SGCD: variants seen among roughly 807,000 people sequenced by gnomAD.
SGCD encodes delta-sarcoglycan.
SGCD carries 18 observed loss-of-function variants against 36.6 expected under a neutral mutation model. That is an observed-to-expected ratio of 0.49 (90% CI 0.34 to 0.73). The LOEUF (loss-of-function observed/expected upper bound fraction) is 0.73. Among genes scored for constraint, SGCD ranks in the 30% least tolerant of loss-of-function variants. The pLI is 0.01. For missense variants in SGCD, 387 were observed against 346.7 expected (o/e 1.12, Z -0.92); for synonymous variants, 133 against 130.6 (o/e 1.02, Z -0.12).
At chr5:156,209,266 C>G (rs1764373512) in intron 3 of SGCD, among the ~76,000 whole-genome samples, 1 of 152,150 alleles carries the variant, frequency 6.6e-6, no homozygotes, top group African/African-American at 2.4e-5. Flanking sequence ...AGATTCCAGA[C>G]CAGTGCTAGA....
At chr5:155,832,285 T>C in the SGCD span, among the ~76,000 whole-genome samples, 1 of 152,194 alleles carries the variant, frequency 6.6e-6, no homozygotes, top group Non-Finnish European at 1.5e-5. Context: ...TCTAATGCCC[T>C]TTCTAATGCT....
At chr5:156,463,990 A>G (rs1180580954) in intron 3 of SGCD, among the ~76,000 whole-genome samples, 1 of 152,150 alleles carries the variant, frequency 6.6e-6, no homozygotes, top group East Asian at 1.9e-4. Context: ...CTGCTCAGCT[A>G]ATGATGATGA....
At chr5:156,535,374 C>A (rs1001778939) in intron 4 of SGCD, among the ~76,000 whole-genome samples, 6 of 152,172 alleles carry the variant, frequency 3.9e-5, no homozygotes, top group Non-Finnish European at 8.8e-5. Flanking sequence ...TGAGCCATTA[C>A]CCTTCCATTT....
At chr5:155,980,323 C>T (rs1347579768) in intron 1 of SGCD, among the ~76,000 whole-genome samples, 3 of 151,980 alleles carry the variant, frequency 2.0e-5, no homozygotes, top group Admixed American at 6.6e-5. Context: ...CGGTGGTTCA[C>T]GCCTATAATC....
rs574676501 is a variant in SGCD at position 156,282,987 on chromosome 5, C to T, written c.-43-46547C>T. 1.8e-4 allele frequency among the ~76,000 whole-genome samples: 27 copies of T among 152,196 alleles called. No individual in the cohort carries two copies. In the South Asian group the frequency reaches 5.6e-3, roughly 32 times the overall value. ...TGGCTGAAATTCTTAGCTGTGTTTA[C>T]TGTACTTCAGAAATGATTCCAGGTG... is the stretch of plus-strand genomic sequence containing the variant. On this transcript the variant is annotated intron_variant, in intron 3 of 9. Coordinates refer to the SGCD transcript ENST00000517913.
At chr5:156,024,330 G>C (rs1404102964) in intron 1 of SGCD, among the ~76,000 whole-genome samples, 1 of 151,036 alleles carries the variant, frequency 6.6e-6, no homozygotes, top group Non-Finnish European at 1.5e-5. Context: ...TCCTCAAGAT[G>C]CACTCAATAA....
chr5:156,590,746 T>C (rs1241651719), intron 5 of SGCD, among the ~76,000 whole-genome samples: 1 of 150,910 alleles, frequency 6.6e-6, no homozygotes, highest in Non-Finnish European at 1.5e-5. Flanking sequence ...GTCTCTTTTT[T>C]TCCCCCCACT....
chr5:156,580,292 C>T (rs75378859), intron 4 of SGCD, among the ~76,000 whole-genome samples: 2 of 152,236 alleles, frequency 1.3e-5, no homozygotes, highest in African/African-American at 4.8e-5. Flanking sequence ...CTCTGTTAGT[C>T]TGTTGGGCTT....
intron 3 of SGCD, among the ~76,000 whole-genome samples, chr5:156,188,904 A>G (rs1169796726): frequency 1.3e-5 from 2 of 151,938 alleles, no homozygotes; most frequent in South Asian, 2.1e-4. Context: ...CTTCTCCCCA[A>G]CCCTATAACC....
the SGCD span, among the ~76,000 whole-genome samples, chr5:155,829,447 T>G: frequency 6.6e-6 from 1 of 152,190 alleles, no homozygotes; most frequent in Admixed American, 6.5e-5. Context: ...CACTATGCTC[T>G]TCTCTCATCT....
the SGCD span, among the ~76,000 whole-genome samples, chr5:155,785,653 A>C: frequency 8.2e-3 from 1,249 of 152,328 alleles, 17 homozygotes; most frequent in African/African-American, 0.029. Flanking sequence ...TATAAAGGTA[A>C]ATTTTAAAAT....
chr5:155,816,332 A>G, the SGCD span, among the ~76,000 whole-genome samples: 1 of 152,198 alleles, frequency 6.6e-6, no homozygotes, highest in Admixed American at 6.6e-5. Flanking sequence ...ACCGATTAAC[A>G]TATTTTGTAT....
chr5:156,120,521 A>G (rs2127602381), intron 2 of SGCD, among the ~76,000 whole-genome samples: 1 of 152,324 alleles, frequency 6.6e-6, no homozygotes, highest in South Asian at 2.1e-4. Flanking sequence ...ATCCTCTACC[A>G]TATCCCCAGT....
chr5:155,803,459 G>A, the SGCD span, among the ~76,000 whole-genome samples: 1 of 152,146 alleles, frequency 6.6e-6, no homozygotes, highest in East Asian at 1.9e-4. Context: ...ACCAGACAGA[G>A]TAAGAGGGGA....
chr5:156,346,515 G>T (rs1768948415), intron 3 of SGCD, among the ~76,000 whole-genome samples: 1 of 152,104 alleles, frequency 6.6e-6, no homozygotes, highest in Admixed American at 6.5e-5. Flanking sequence ...GCCCAAGCTG[G>T]TCTCAAACTC....
In SGCD at chr5:156,102,811, TGGG is replaced by T. The variant is rs1251684669; in HGVS notation, c.-281-15066_-281-15064del. Among the ~76,000 whole-genome samples, 43 of 152,340 alleles carry T rather than the reference TGGG, an allele frequency of 2.8e-4. No individual in the cohort carries two copies. The South Asian group carries it at 7.7e-3, about 27-fold the overall frequency. On this transcript the variant is annotated intron_variant, in intron 1 of 9. Coordinates refer to the SGCD transcript ENST00000517913. ...TTGAAATTCAATGAAAACCTATGATTGGGTGTGTGCGTATATACTTATATTGTG... is the reference window on the plus strand; with the variant it reads ...TTGAAATTCAATGAAAACCTATGATTTGTGTGCGTATATACTTATATTGTG...
rs970269695 is a variant in SGCD at position 155,877,644 on chromosome 5, G to A, written c.-282+7220G>A. On this transcript the variant is annotated intron_variant, in intron 1 of 9. Coordinates refer to the SGCD transcript ENST00000517913. Reference sequence around the variant, plus strand: ...TGGTGAAGTTTCTTCACTACATTTTGTCCCAATGTACTTAAGTAAAAATTC... The same window carrying A: ...TGGTGAAGTTTCTTCACTACATTTTATCCCAATGTACTTAAGTAAAAATTC... Among the ~76,000 whole-genome samples the A allele has an allele frequency of 2.6e-5, 4 of 152,002 alleles. 1 individual carries two copies. Among genetic ancestry groups the A allele is most frequent in the African/African-American group, 9.7e-5 (4 of 41,412 alleles).
intron 1 of SGCD, among the ~76,000 whole-genome samples, chr5:155,896,729 T>G (rs1043049332): frequency 6.6e-6 from 1 of 152,118 alleles, no homozygotes; most frequent in Non-Finnish European, 1.5e-5. Flanking sequence ...ATTTTCAAAA[T>G]GTGCTCTCTG....
chr5:156,476,391 A>G (rs897656457), intron 3 of SGCD, among the ~76,000 whole-genome samples: 2 of 152,348 alleles, frequency 1.3e-5, no homozygotes, highest in African/African-American at 4.8e-5. Context: ...AATTAATTTG[A>G]CAGAGGAGCT....
Sources: allele counts gnomAD v4.1 joint callset (sites outside exome capture counted in the v4.1 genomes callset), GRCh38; gene constraint gnomAD v4.1.1; transcripts MANE v1.5; gene names NCBI Gene and HGNC (gene_info 2026-07-23, HGNC 2026-07-21).